GALNS: variants seen among roughly 807,000 people sequenced by gnomAD.
GALNS encodes galactosamine (N-acetyl)-6-sulfatase, also known as N-acetylgalactosamine-6-sulfatase.
GALNS carries 65 observed loss-of-function variants against 65.9 expected under a neutral mutation model. The observed-to-expected ratio is 0.99, with a 90% confidence interval of 0.81 to 1.21. GALNS has a LOEUF of 1.21. Among genes scored for constraint, GALNS ranks in the 50% most tolerant of loss-of-function variants. GALNS has a pLI of 0.00. For missense variants in GALNS, 776 were observed against 700.7 expected (o/e 1.11, Z -1.21); for synonymous variants, 346 against 288.9 (o/e 1.20, Z -2.00).
chr16:88,851,534 G>A (rs1967508786), intron 1 of GALNS, among the ~76,000 whole-genome samples: 1 of 152,174 alleles, frequency 6.6e-6, no homozygotes, highest in African/African-American at 2.4e-5. Context: ...CCCATGGAGG[G>A]TGAGCCGAAG....
chr16:88,846,392 GGCCACCAGAAGCTGCA>G (rs1388604516), intron 1 of GALNS, among the ~76,000 whole-genome samples: 2 of 152,134 alleles, frequency 1.3e-5, no homozygotes, highest in Non-Finnish European at 2.9e-5. Flanking sequence ...GACGGCTGGG[GGCCACCAGAAGCTGCA>G]GGGGCAAGAG....
chr16:88,829,162 T>A (rs1206230964), intron 9 of GALNS, among the ~76,000 whole-genome samples: 1 of 151,776 alleles, frequency 6.6e-6, no homozygotes, highest in Non-Finnish European at 1.5e-5. Flanking sequence ...CATGCCAACG[T>A]CTCCCAGAGC....
chr16:88,837,838 A>G (rs896391884), intron 4 of GALNS, 73 bp from the exon 5 acceptor site: 4 of 1,507,062 alleles, frequency 2.7e-6, no homozygotes, highest in Non-Finnish European at 3.7e-6. Context: ...AGCAACAGAT[A>G]CCACCTTCAC....
At chr16:88,820,972 T>C (rs887867277) in intron 12 of GALNS, among the ~76,000 whole-genome samples, 12 of 152,134 alleles carry the variant, frequency 7.9e-5, no homozygotes, top group Admixed American at 6.5e-4. Context: ...CAGTGACTTC[T>C]GCGGGCACAG....
chr16:88,819,928 A>G (rs185929034), intron 12 of GALNS, among the ~76,000 whole-genome samples: 97 of 151,840 alleles, frequency 6.4e-4, no homozygotes, highest in African/African-American at 2.1e-3. Flanking sequence ...TCCTGACCTC[A>G]TGATCTGCCT....
At position 88,832,042 on chromosome 16, in the gene GALNS, C is replaced by G; in HGVS notation, c.958G>C (p.Glu320Gln). Residue 320 changes from glutamate (E) to glutamine (Q), a missense_variant, in exon 9 of 14, where the codon GAG becomes CAG. By Grantham distance (29) the Glu-to-Gln change is conservative. Coordinates refer to ENST00000268695, the MANE Select transcript of GALNS (RefSeq NM_000512.5). Reference sequence around the variant, plus strand: ...CCTGGCCACCATGCGAGGGCAGGCTCCCTCATCCCTCCTTCAAACGTGGTC... The same window carrying G: ...CCTGGCCACCATGCGAGGGCAGGCTGCCTCATCCCTCCTTCAAACGTGGTC... ...KQTTFEGGMR[E>Q]PALAWWPGHV... 6.2e-7 allele frequency: 1 copy of G among 1,613,870 alleles called. No individual in the cohort carries two copies. The highest frequency in any genetic ancestry group is 8.5e-7 in the Non-Finnish European group (1 of 1,179,924).
At chr16:88,816,624 G>A (rs1018682045) in intron 13 of GALNS, 3 of 984,634 alleles carry the variant, frequency 3.0e-6, no homozygotes, top group African/African-American at 1.8e-5. Context: ...TGCCCTCCAT[G>A]GTCCTCACTG....
intron 1 of GALNS, among the ~76,000 whole-genome samples, chr16:88,852,920 A>C (rs1016163823): frequency 2.6e-5 from 4 of 151,964 alleles, no homozygotes; most frequent in Non-Finnish European, 2.9e-5. Flanking sequence ...GAGCTACTGC[A>C]CTCCAGCCTG....
chr16:88,853,995 T>C (rs1183891882), intron 1 of GALNS, among the ~76,000 whole-genome samples: 2 of 152,188 alleles, frequency 1.3e-5, no homozygotes, highest in East Asian at 3.9e-4. Context: ...TAAGCTAGTT[T>C]TGGGGACAAC....
intron 5 of GALNS, 44 bp downstream of exon 5, chr16:88,837,578 C>A: frequency 6.2e-7 from 1 of 1,604,694 alleles, no homozygotes; most frequent in Non-Finnish European, 8.5e-7. Context: ...ACGCCGGGCA[C>A]AGCAGTTCAG....
intron 9 of GALNS, among the ~76,000 whole-genome samples, chr16:88,828,982 C>T (rs534715211): frequency 3.3e-5 from 5 of 151,610 alleles, no homozygotes; most frequent in Non-Finnish European, 7.4e-5. Context: ...CAGACCTACG[C>T]GGGTCCCGGG....
At chr16:88,816,998 C>T (rs1050683461) in intron 13 of GALNS, 35 of 985,330 alleles carry the variant, frequency 3.6e-5, no homozygotes, top group Non-Finnish European at 3.9e-5. Flanking sequence ...CACCCAGGAG[C>T]GACACCGCAG....
rs1355113466 is a variant in GALNS at position 88,814,520 on chromosome 16, C to T, written c.1488G>A (p.Trp496Ter). The change falls in exon 14 of 14, where the codon TGG becomes TGA. Residue 496 changes from tryptophan to a stop codon, truncating the protein, a stop_gained. Transcript: ENST00000268695. LOFTEE classifies it high-confidence loss of function. Reference protein sequence around the residue: ...LNVCNWAVMNWAPPGCEKLGK... With the variant: ...LNVCNWAVMN ...CTAACTTTTCACAGCCCGGAGGTGC[C>T]CAGTTCTGGGAAATGAAAATTGAGA... The T allele has an allele frequency of 4.5e-6, 7 of 1,555,840 alleles. No homozygotes were observed. The highest frequency in any genetic ancestry group is 6.1e-6 in the Non-Finnish European group (7 of 1,149,218).
intron 1 of GALNS, among the ~76,000 whole-genome samples, chr16:88,851,445 C>T (rs578014087): frequency 2.5e-4 from 38 of 152,242 alleles, no homozygotes; most frequent in South Asian, 4.1e-4. Flanking sequence ...GCGTGATTGA[C>T]GCAGAAGACG....
chr16:88,825,185 ACTGGGTGTCTAGGGTGCCTGGGTG>A (rs1910709847), intron 10 of GALNS, among the ~76,000 whole-genome samples: 6 of 63,876 alleles, frequency 9.4e-5, no homozygotes, highest in African/African-American at 2.5e-4. Flanking sequence ...GGCTGGGGTG[ACTGGGTGTCTAGGGTGCCTGGGTG>A]TCTGGGGCGC....
At chr16:88,819,749 A>C (rs1299710484) in intron 12 of GALNS, among the ~76,000 whole-genome samples, 1 of 152,144 alleles carries the variant, frequency 6.6e-6, no homozygotes, top group Non-Finnish European at 1.5e-5. Flanking sequence ...GCTGGAGTGC[A>C]ATGGCATGAT....
At chr16:88,824,552 C>T (rs1010957221) in intron 11 of GALNS, among the ~76,000 whole-genome samples, 19 of 152,222 alleles carry the variant, frequency 1.2e-4, no homozygotes, top group Non-Finnish European at 2.5e-4. Context: ...TGTCATCACG[C>T]GGGGCAGGAA....
intron 6 of GALNS, 59 bp downstream of exon 6, chr16:88,836,142 T>G (rs986399263): frequency 4.8e-6 from 7 of 1,460,276 alleles, no homozygotes; most frequent in Non-Finnish European, 6.7e-6. Context: ...CAGGATGAGG[T>G]TGGTGCGGTC....
intron 9 of GALNS, among the ~76,000 whole-genome samples, chr16:88,828,976 C>A (rs1359563706): frequency 6.7e-6 from 1 of 149,116 alleles, no homozygotes; most frequent in African/African-American, 2.5e-5. Context: ...GTCTCCCAGA[C>A]CTACGCGGGT....
Sources: allele counts gnomAD v4.1 joint callset (sites outside exome capture counted in the v4.1 genomes callset), GRCh38; gene constraint gnomAD v4.1.1; transcripts MANE v1.5; gene names NCBI Gene and HGNC (gene_info 2026-07-23, HGNC 2026-07-21).